The following PAPPA2 variants were observed in gnomAD, a reference collection of about 807,000 sequenced individuals.
The protein encoded by PAPPA2 is pappalysin-2.
A neutral mutation model predicts 176.4 loss-of-function variants in PAPPA2; 86 were observed. The ratio of observed to expected loss-of-function variants is 0.49; its 90% CI spans 0.41 to 0.58. PAPPA2 has a LOEUF of 0.58. Among genes scored for constraint, PAPPA2 ranks in the 20% least tolerant of loss-of-function variants. The probability of loss-of-function intolerance (pLI) is 0.00; values close to 1 mark genes in which losing one functional copy is unlikely to be tolerated. For synonymous variants in PAPPA2, 809 were observed against 852.2 expected, an observed-to-expected ratio of 0.95 and a Z score of 0.88; for missense variants, 2,073 against 2,256.9, an observed-to-expected ratio of 0.92 and a Z score of 1.65.
intron 12 of PAPPA2, among the ~76,000 whole-genome samples, chr1:176,719,140 T>G (rs1186789321): frequency 6.6e-6 from 1 of 152,114 alleles, no homozygotes; most frequent in African/African-American, 2.4e-5. Flanking sequence ...ACAAAATAAC[T>G]ATGCAAGTTG....
intron 1 of PAPPA2, among the ~76,000 whole-genome samples, chr1:176,522,359 T>C (rs1649259692): frequency 1.3e-5 from 2 of 152,208 alleles, no homozygotes; most frequent in Non-Finnish European, 2.9e-5. Context: ...AAGTACTGCC[T>C]GAGCCTCATT....
At chr1:176,810,498 A>T (rs1363374958) in intron 21 of PAPPA2, among the ~76,000 whole-genome samples, 1 of 152,214 alleles carries the variant, frequency 6.6e-6, no homozygotes, top group Non-Finnish European at 1.5e-5. Context: ...TCACATGCAC[A>T]GTCCACCACA....
Position 176,595,325 on chromosome 1 carries a change from A to G in PAPPA2, c.1721A>G (p.Asn574Ser). The change falls in exon 3 of 23, where the codon AAT becomes AGT. Residue 574 changes from asparagine (N) to serine (S), a missense_variant. Transcript: ENST00000367662. ...CAGCTGAGCGTCCACCAGGTCCACAATTCCACCCTGCGACACCGGGTTGTG... is the reference window on the plus strand; with the variant it reads ...CAGCTGAGCGTCCACCAGGTCCACAGTTCCACCCTGCGACACCGGGTTGTG... The part of the protein sequence containing the change: ...SWQLSVHQVH[N>S]STLRHRVVLV... The G allele has an allele frequency of 6.2e-7, 1 of 1,614,170 alleles. No homozygotes were observed. Among genetic ancestry groups the G allele is most frequent in the Non-Finnish European group, 8.5e-7 (1 of 1,180,018 alleles).
intron 3 of PAPPA2, among the ~76,000 whole-genome samples, chr1:176,617,894 T>C (rs1655361318): frequency 6.6e-6 from 1 of 152,104 alleles, no homozygotes; most frequent in Non-Finnish European, 1.5e-5. Context: ...CCATGGGAAA[T>C]TGAAAAGGTG....
chr1:176,820,593 C>T (rs1026360095), intron 21 of PAPPA2, among the ~76,000 whole-genome samples: 2 of 152,182 alleles, frequency 1.3e-5, no homozygotes, highest in Non-Finnish European at 2.9e-5. Context: ...ACTGTGCCAG[C>T]CACATGTCAT....
chr1:176,609,931 T>C (rs1030844226), intron 3 of PAPPA2, among the ~76,000 whole-genome samples: 2 of 152,136 alleles, frequency 1.3e-5, no homozygotes, highest in African/African-American at 4.8e-5. Flanking sequence ...AAGAAGACAT[T>C]AAGGTGATTG....
At chr1:176,481,279 CACACACACACACACACACA>C (rs1652384887) in intron 1 of PAPPA2, among the ~76,000 whole-genome samples, 1 of 130,676 alleles carries the variant, frequency 7.7e-6, no homozygotes, top group Non-Finnish European at 1.7e-5. Context: ...CACACACACA[CACACACACACACACACACA>C]CAGACAAAGC....
chr1:176,595,551 G>A lies in PAPPA2; in HGVS notation c.1947G>A (p.Val649=), dbSNP rs746724528. The A allele has an allele frequency of 1.9e-6, 3 of 1,614,054 alleles. No homozygotes were observed. Among genetic ancestry groups the A allele is most frequent in the South Asian group, 1.1e-5 (1 of 91,068 alleles). ...ACGGAGACTGCTGCGACCCCCAGGT[G>A]GCTGATGTGCGCAAGACCTGCTTTG... ...FDDGDCCDPQ[V]ADVRKTCFDP... The change falls in exon 3 of 23, where the codon GTG becomes GTA. Residue 649 remains valine (V), a synonymous_variant. Transcript: ENST00000367662.
At chr1:176,822,206 T>C (rs1192821676) in intron 21 of PAPPA2, among the ~76,000 whole-genome samples, 2 of 152,176 alleles carry the variant, frequency 1.3e-5, no homozygotes, top group African/African-American at 4.8e-5. Flanking sequence ...ACTTCTTGTT[T>C]AGAAACTTTC....
intron 14 of PAPPA2, among the ~76,000 whole-genome samples, chr1:176,759,689 T>C (rs896362139): frequency 6.6e-6 from 1 of 152,206 alleles, no homozygotes; most frequent in Non-Finnish European, 1.5e-5. Context: ...GCTATGCCAA[T>C]GTCCCTGCGA....
rs149186629 is a variant in PAPPA2, at chr1:176,638,912, T to C, written c.1992-32058T>C. ...AATAAACCTGGGTTTTAAGAAACTGTGGTGTGTGTGTGTGCATGTGCATGT... is the reference window on the plus strand; with the variant it reads ...AATAAACCTGGGTTTTAAGAAACTGCGGTGTGTGTGTGTGCATGTGCATGT... On this transcript the variant is annotated intron_variant, in intron 3 of 22. Transcript: ENST00000367662. Among the ~76,000 whole-genome samples, 771 of 149,336 alleles carry C rather than the reference T, an allele frequency of 5.2e-3. 13 individuals carry two copies. Among genetic ancestry groups the C allele is most frequent in the African/African-American group, 0.017 (703 of 40,316 alleles).
intron 1 of PAPPA2, among the ~76,000 whole-genome samples, chr1:176,470,662 A>T (rs2102464232): frequency 6.6e-6 from 1 of 152,206 alleles, no homozygotes; most frequent in East Asian, 1.9e-4. Flanking sequence ...CAAAAAAGAA[A>T]ATTCAGAGAA....
chr1:176,667,246 CA>C (rs200587040), intron 3 of PAPPA2, among the ~76,000 whole-genome samples: 74 of 128,878 alleles, frequency 5.7e-4, no homozygotes, highest in South Asian at 1.7e-3. Flanking sequence ...AACTCGGTCT[CA>C]AAAAAAAAAA....
chr1:176,789,034 C>T (rs2102935416), intron 17 of PAPPA2, among the ~76,000 whole-genome samples: 1 of 152,278 alleles, frequency 6.6e-6, no homozygotes. Flanking sequence ...TGTACCCCAT[C>T]TTACCTGACA....
intron 12 of PAPPA2, among the ~76,000 whole-genome samples, chr1:176,725,725 C>T (rs905628665): frequency 6.6e-6 from 1 of 152,198 alleles, no homozygotes; most frequent in African/African-American, 2.4e-5. Flanking sequence ...CACACACTCA[C>T]GGGTTTAGTC....
intron 21 of PAPPA2, among the ~76,000 whole-genome samples, chr1:176,807,939 C>T (rs535328705): frequency 2.0e-5 from 3 of 152,262 alleles, no homozygotes; most frequent in South Asian, 4.2e-4. Context: ...GTAGAAGCCA[C>T]TTCTTAAATT....
rs1258206066 is a variant in PAPPA2 at position 176,832,108 on chromosome 1, CA to C, written c.5203-8063del. On this transcript the variant is annotated intron_variant, in intron 21 of 22. Transcript: ENST00000367662. ...AGGCACCAACCTGCAATGGTAAAAG[CA>C]ATGGTAGTTTTCTTGCTGCTTTCAT... Among the ~76,000 whole-genome samples, 13 of 152,256 alleles carry C rather than the reference CA, an allele frequency of 8.5e-5. No homozygotes were observed. The South Asian group carries it at 2.7e-3, about 32-fold the overall frequency.
intron 15 of PAPPA2, 79 bp downstream of exon 15, chr1:176,765,916 G>T: frequency 6.6e-7 from 1 of 1,516,592 alleles, no homozygotes; most frequent in Non-Finnish European, 8.9e-7. Flanking sequence ...TGGCTCCACA[G>T]GGAAAGAGCA....
intron 7 of PAPPA2, 95 bp downstream of exon 7, chr1:176,695,954 C>T (rs1660358336): frequency 7.0e-7 from 1 of 1,427,260 alleles, no homozygotes; most frequent in African/African-American, 1.5e-5. Context: ...GACAAAAAGG[C>T]AATGTATGTG....
Sources: allele counts gnomAD v4.1 joint callset (sites outside exome capture counted in the v4.1 genomes callset), GRCh38; gene constraint gnomAD v4.1.1; transcripts MANE v1.5; gene names NCBI Gene and HGNC (gene_info 2026-07-23, HGNC 2026-07-21).